Variants in KLHL28 observed in about 807,000 individuals in gnomAD.
KLHL28 encodes kelch-like protein 28.
KLHL28 carries 22 observed loss-of-function variants against 48.3 expected under a neutral mutation model. The observed-to-expected ratio is 0.46, with a 90% CI of 0.33 to 0.65. KLHL28 has a LOEUF of 0.65. Ranked by LOEUF, KLHL28 falls within the 30% of genes least tolerant of loss-of-function variation. The pLI is 0.03. For missense variants in KLHL28, 527 were observed against 704.3 expected, an observed-to-expected ratio of 0.75 and a Z score of 2.85; for synonymous variants, 243 against 242.4, an observed-to-expected ratio of 1.00 and a Z score of -0.02.
At position 44,953,347 on chromosome 14, in the gene KLHL28, T is replaced by C. The variant is rs537393127; in HGVS notation, c.1-7419A>G. On this transcript the variant is annotated intron_variant, in intron 1 of 4. Coordinates refer to ENST00000396128, the MANE Select transcript of KLHL28 (RefSeq NM_017658.5). The stretch of plus-strand genomic sequence containing the variant: ...TATGAAAAATGTAATTATATAAATA[T>C]TAGAATAAAATACGGGTAAAAACTT... Among the ~76,000 whole-genome samples, 7 of 152,268 alleles carry C rather than the reference T, an allele frequency of 4.6e-5. No homozygotes were observed. The South Asian group carries it at 1.4e-3, about 32-fold the overall frequency.
At chr14:44,954,658 C>T (rs1445900225) in intron 1 of KLHL28, among the ~76,000 whole-genome samples, 1 of 152,020 alleles carries the variant, frequency 6.6e-6, no homozygotes, top group Non-Finnish European at 1.5e-5. Context: ...GGAAATTTTA[C>T]ACAATATATA....
At chr14:44,952,917 A>C (rs1284830006) in intron 1 of KLHL28, among the ~76,000 whole-genome samples, 1 of 151,966 alleles carries the variant, frequency 6.6e-6, no homozygotes, top group Non-Finnish European at 1.5e-5. Context: ...AAAAAAAAAA[A>C]CAAACACAGG....
chr14:44,947,016 C>T (rs932934472), intron 1 of KLHL28, among the ~76,000 whole-genome samples: 2 of 152,058 alleles, frequency 1.3e-5, no homozygotes, highest in Admixed American at 6.6e-5. Context: ...ATAATGGCTC[C>T]CCAAATGACA....
At chr14:44,929,310 TA>T in intron 4 of KLHL28, 119 bp from the exon 5 acceptor site, 1 of 933,030 alleles carries the variant, frequency 1.1e-6, no homozygotes, top group Non-Finnish European at 1.5e-6. Context: ...AATCTATTAT[TA>T]ATTATACAGG....
intron 1 of KLHL28, among the ~76,000 whole-genome samples, chr14:44,958,708 C>T (rs982397921): frequency 2.6e-5 from 4 of 151,926 alleles, no homozygotes; most frequent in Non-Finnish European, 5.9e-5. Context: ...TGTGTTATTT[C>T]TGAATCCATG....
intron 2 of KLHL28, among the ~76,000 whole-genome samples, chr14:44,944,408 G>C (rs1297515440): frequency 6.6e-6 from 1 of 152,134 alleles, no homozygotes; most frequent in Non-Finnish European, 1.5e-5. Flanking sequence ...GGCTCACAAA[G>C]TCTAAAATAT....
In KLHL28 at chr14:44,926,943, T is replaced by C. The variant is rs562212480; in HGVS notation, c.*2085A>G. 3 of 152,774 alleles carry C rather than the reference T, an allele frequency of 2.0e-5. No homozygotes were observed. The highest frequency in any genetic ancestry group is 4.1e-4 in the South Asian group (2 of 4,828). The allele number at this position is 152,774 out of a possible 1,614,324, so 9.5% of individuals were successfully genotyped here. A position where few individuals can be genotyped will look rare whatever the true frequency, so the allele number is the denominator to read the frequency against. ...TGAATTGGGGATTTAAAACTAAATA[T>C]GTGATGAATCTATTTTAAACTGCTT... On this transcript the variant is annotated 3_prime_UTR_variant, in exon 5 of 5. Transcript: ENST00000396128.
intron 2 of KLHL28, among the ~76,000 whole-genome samples, chr14:44,935,264 G>T (rs1306111319): frequency 6.6e-6 from 1 of 152,164 alleles, no homozygotes; most frequent in African/African-American, 2.4e-5. Context: ...CGAATCTCTG[G>T]ATTAGGAATG....
rs1424504336 is a variant in KLHL28 at position 44,931,371 on chromosome 14, T to C, written c.1514A>G (p.Gln505Arg). The C allele has an allele frequency of 1.2e-6, 2 of 1,614,052 alleles. No individual in the cohort carries two copies. The highest frequency in any genetic ancestry group is 2.2e-5 in the South Asian group (2 of 91,084). The part of the protein sequence containing the change: ...SIERYDPHQN[Q>R]WTVCRPMKEP... ...TTTCATTGGTCTACACACAGTCCAC[T>C]GATTTTGATGAGGATCGTATCTTTC... The change falls in exon 4 of 5, where the codon CAG becomes CGG. Residue 505 changes from glutamine to arginine, a missense_variant. Gln to Arg is a conservative substitution (Grantham distance 43, BLOSUM62 1). Transcript: ENST00000396128.
At chr14:44,946,396 AC>A (rs1183382280) in intron 1 of KLHL28, among the ~76,000 whole-genome samples, 2 of 152,136 alleles carry the variant, frequency 1.3e-5, no homozygotes, top group Admixed American at 6.5e-5. Flanking sequence ...AACATACTTT[AC>A]CCAAAATTTC....
At chr14:44,960,399 T>C (rs1884986671) in intron 1 of KLHL28, among the ~76,000 whole-genome samples, 1 of 152,220 alleles carries the variant, frequency 6.6e-6, no homozygotes, top group Non-Finnish European at 1.5e-5. Context: ...TACATCATTG[T>C]CTAGGTTAGT....
Position 44,924,832 on chromosome 14 carries a change from T to A in KLHL28, c.*4196A>T, listed in dbSNP as rs561762867. On this transcript the variant is annotated 3_prime_UTR_variant, in exon 5 of 5. Transcript: ENST00000396128. The stretch of plus-strand genomic sequence containing the variant: ...AGTTATCTCTAGTAAAGATGTATAA[T>A]ATAAAAGACATATGGATAACAATTT... 1.3e-5 allele frequency: 2 copies of A among 152,750 alleles called. No individual in the cohort carries two copies. The highest frequency in any genetic ancestry group is 4.1e-4 in the South Asian group (2 of 4,834). The allele number at this position is 152,750 out of a possible 1,614,324, so 9.5% of individuals were successfully genotyped here.
At position 44,945,701 on chromosome 14, in the gene KLHL28, A is replaced by G; in HGVS notation, c.228T>C (p.Val76=). The G allele has an allele frequency of 6.2e-7, 1 of 1,614,178 alleles. No homozygotes were observed. Among genetic ancestry groups the G allele is most frequent in the Non-Finnish European group, 8.5e-7 (1 of 1,180,016 alleles). ...GNLSEKENSE[V]EFQCIDETAL... ...CAGTTTCATCAATGCATTGAAACTC[A>G]ACCTCACTGTTCTCTTTTTCAGAAA... Residue 76 remains valine (V), a synonymous_variant, in exon 2 of 5, where the codon GTT becomes GTC. Transcript: ENST00000396128.
At chr14:44,935,905 T>TATATATATATATATATATATATATATATA (rs1233257500) in intron 2 of KLHL28, among the ~76,000 whole-genome samples, 198 of 123,548 alleles carry the variant, frequency 1.6e-3, no homozygotes, top group Non-Finnish European at 2.2e-3. Flanking sequence ...TATATATATC[T>TATATATATATATATATATATATATATATA]TTACCCTCCC....
chr14:44,960,889 G>A, intron 1 of KLHL28: 1 of 1,528,560 alleles, frequency 6.5e-7, no homozygotes. Context: ...AATCCCACCT[G>A]GTACAGAGCA....
At chr14:44,959,782 G>A (rs1884953525) in intron 1 of KLHL28, among the ~76,000 whole-genome samples, 1 of 151,862 alleles carries the variant, frequency 6.6e-6, no homozygotes, top group African/African-American at 2.4e-5. Context: ...ACTTTCTGAG[G>A]TGTACTATTA....
intron 4 of KLHL28, among the ~76,000 whole-genome samples, chr14:44,930,727 C>T (rs1883549771): frequency 6.6e-6 from 1 of 152,186 alleles, no homozygotes; most frequent in Admixed American, 6.5e-5. Flanking sequence ...TGGTCCTAAG[C>T]ATTTTGGATA....
chr14:44,955,136 A>C (rs1237088836), intron 1 of KLHL28, among the ~76,000 whole-genome samples: 1 of 151,994 alleles, frequency 6.6e-6, no homozygotes, highest in Non-Finnish European at 1.5e-5. Flanking sequence ...ACGACATAAC[A>C]CTAAGATGTT....
chr14:44,944,176 G>T (rs1884223815), intron 2 of KLHL28, among the ~76,000 whole-genome samples: 1 of 152,080 alleles, frequency 6.6e-6, no homozygotes, highest in Non-Finnish European at 1.5e-5. Flanking sequence ...CTAAGAAAAA[G>T]CAAAAATAAC....
Sources: allele counts gnomAD v4.1 joint callset (sites outside exome capture counted in the v4.1 genomes callset), GRCh38; gene constraint gnomAD v4.1.1; transcripts MANE v1.5; gene names NCBI Gene and HGNC (gene_info 2026-07-23, HGNC 2026-07-21).